The following SLC39A10 variants were observed in gnomAD, a reference collection of about 807,000 sequenced individuals.
SLC39A10 encodes solute carrier family 39 member 10, also known as zinc transporter ZIP10.
A neutral mutation model predicts 65.1 loss-of-function variants in SLC39A10; 13 were observed. The ratio of observed to expected loss-of-function variants is 0.20; its 90% CI spans 0.13 to 0.32. The LOEUF is 0.32. SLC39A10 is among the 10% of genes least tolerant of loss of function. SLC39A10 has a pLI of 1.00. For synonymous variants in SLC39A10, 321 were observed against 342.2 expected (o/e 0.94, Z 0.68); for missense variants, 831 against 1,018.4 (o/e 0.82, Z 2.50).
At position 195,737,437 on chromosome 2, in the gene SLC39A10, A is replaced by ATC. The variant is rs1692683569; in HGVS notation, c.*2397_*2398insCT. The ATC allele has an allele frequency of 6.2e-6, 1 of 161,368 alleles. No individual in the cohort carries two copies. The highest frequency in any genetic ancestry group is 2.4e-5 in the African/African-American group (1 of 41,432). The allele number at this position is 161,368 out of a possible 1,614,324, so 10.0% of individuals were successfully genotyped here. ...TTGATTGATTATGCTTAGAAATACTATAGTAACTAGATGCAGTGTGAATTT... is the reference window on the plus strand; with the variant it reads ...TTGATTGATTATGCTTAGAAATACTATCTAGTAACTAGATGCAGTGTGAATTT... On this transcript the variant is annotated 3_prime_UTR_variant, in exon 10 of 10. Transcript: ENST00000359634.
chr2:195,631,355 A>G (rs1050374044), intron 2 of SLC39A10, among the ~76,000 whole-genome samples: 26 of 152,316 alleles, frequency 1.7e-4, no homozygotes, highest in Non-Finnish European at 3.2e-4. Context: ...ACTTAAAAAA[A>G]AGAGAGATCA....
chr2:195,734,868 GATTT>G lies in SLC39A10; in HGVS notation c.2338-10_2338-7del. 2 of 1,589,490 alleles carry G rather than the reference GATTT, an allele frequency of 1.3e-6. No individual in the cohort carries two copies. The highest frequency in any genetic ancestry group is 1.7e-6 in the Non-Finnish European group (2 of 1,171,000). The stretch of plus-strand genomic sequence containing the variant: ...AGTATTATACAAAGTTTAATGTGAA[GATTT>G]ATTTTTCTAGCTTCCAGAAATGTTG... On this transcript the variant is annotated splice_polypyrimidine_tract_variant and intron_variant, in intron 9 of 9. Transcript: ENST00000359634.
chr2:195,636,426 C>T (rs984456429), intron 2 of SLC39A10, among the ~76,000 whole-genome samples: 1 of 152,114 alleles, frequency 6.6e-6, no homozygotes, highest in Non-Finnish European at 1.5e-5. Context: ...ATGTGACTCA[C>T]ATAAACAAAT....
upstream of SLC39A10, among the ~76,000 whole-genome samples, chr2:195,653,939 G>GT (rs1689091143): frequency 6.6e-6 from 1 of 151,926 alleles, no homozygotes; most frequent in Admixed American, 6.6e-5. Flanking sequence ...TCTTTTTTTT[G>GT]TTTGTTTTGT....
At chr2:195,683,942 G>A in intron 3 of SLC39A10, 36 bp downstream of exon 3, 1 of 1,393,092 alleles carries the variant, frequency 7.2e-7, no homozygotes, top group African/African-American at 1.4e-5. Context: ...CCTTAAAATA[G>A]TACCTGTACT....
chr2:195,659,655 G>A (rs1384610834), intron 1 of SLC39A10, among the ~76,000 whole-genome samples: 1 of 152,120 alleles, frequency 6.6e-6, no homozygotes, highest in Non-Finnish European at 1.5e-5. Flanking sequence ...CTATTAATTA[G>A]TTTGCTTACC....
At chr2:195,733,078 T>G (rs1167716505) in intron 9 of SLC39A10, among the ~76,000 whole-genome samples, 1 of 152,200 alleles carries the variant, frequency 6.6e-6, no homozygotes, top group African/African-American at 2.4e-5. Context: ...CATAGCACTG[T>G]CAGAGCATGG....
chr2:195,616,632 G>A (rs911171936), intron 2 of SLC39A10, among the ~76,000 whole-genome samples: 7 of 149,898 alleles, frequency 4.7e-5, no homozygotes, highest in Admixed American at 4.0e-4. Context: ...GAGTGAAGTT[G>A]AACCTCTGTC....
At chr2:195,678,634 T>C (rs1690185731) in intron 1 of SLC39A10, among the ~76,000 whole-genome samples, 1 of 151,682 alleles carries the variant, frequency 6.6e-6, no homozygotes, top group East Asian at 1.9e-4. Flanking sequence ...ATTATCAATT[T>C]TGTGTTCTAT....
intron 8 of SLC39A10, among the ~76,000 whole-genome samples, chr2:195,726,337 C>T (rs767652693): frequency 2.0e-5 from 3 of 152,150 alleles, no homozygotes; most frequent in Non-Finnish European, 4.4e-5. Flanking sequence ...GTTTGTTTTA[C>T]ATAACCTGCT....
At chr2:195,706,130 A>G (rs1250749544) in intron 3 of SLC39A10, among the ~76,000 whole-genome samples, 1 of 152,130 alleles carries the variant, frequency 6.6e-6, no homozygotes, top group African/African-American at 2.4e-5. Context: ...CATCATATGA[A>G]TATATTTCCA....
rs761080310 is a variant in SLC39A10, at chr2:195,680,680, C to A, written c.638C>A (p.Pro213His). The change falls in exon 2 of 10, where the codon CCT becomes CAT. Residue 213 changes from proline (P) to histidine (H), a missense_variant. By Grantham distance (77) the Pro-to-His change is moderately conservative. This residue lies in a region of SLC39A10 where 446 missense variants were observed against 499.2 expected (regional missense o/e 0.89). Coordinates refer to ENST00000359634, the MANE Select transcript of SLC39A10 (RefSeq NM_020342.3). ...PSERGEPSNEPSTETNKTQEQ... is the reference protein window; with the variant it reads ...PSERGEPSNEHSTETNKTQEQ... ...GAGCGTGGGGAGCCTAGCAATGAAC[C>A]TTCAACAGAGACCAATAAAACCCAG... 1 of 1,613,976 alleles carries A rather than the reference C, an allele frequency of 6.2e-7. No homozygotes were observed.
chr2:195,689,785 A>C (rs1690659516), intron 3 of SLC39A10, among the ~76,000 whole-genome samples: 1 of 152,162 alleles, frequency 6.6e-6, no homozygotes, highest in African/African-American at 2.4e-5. Flanking sequence ...TTGATTAAGC[A>C]TCTCATATAA....
chr2:195,627,519 A>T (rs1559007112), intron 2 of SLC39A10, among the ~76,000 whole-genome samples: 1 of 152,174 alleles, frequency 6.6e-6, no homozygotes, highest in African/African-American at 2.4e-5. Context: ...AACCCAGAAG[A>T]CCTGAGTAGC....
chr2:195,728,120 C>T lies in SLC39A10; in HGVS notation c.2147-39C>T. On this transcript the variant is annotated intron_variant, in intron 8 of 9. Transcript: ENST00000359634. This position sits in a 1 kb window ranked among gnomAD's most constrained non-coding sequence, Gnocchi z 4.4. ...TCCTTTCAGATTTGTGTTTTAAATC[C>T]TGTGGTTTTAAAACATTCCCATTGT... The T allele has an allele frequency of 6.5e-6, 10 of 1,544,224 alleles. No individual in the cohort carries two copies. The highest frequency in any genetic ancestry group is 2.7e-5 in the African/African-American group (2 of 73,528).
Position 195,716,952 on chromosome 2 carries a change from G to A in SLC39A10, c.2012G>A (p.Trp671Ter). ...LKETGIANIA[W>*]MVIMGDGIHN... ...GAAACAGGAATAGCTAATATAGCCT[G>A]GATGGTGATCATGGGGGATGGCATC... The change falls in exon 7 of 10, where the codon TGG becomes TAG. Residue 671 changes from tryptophan (W) to a stop codon, truncating the protein, a stop_gained. Transcript: ENST00000359634. LOFTEE classifies it high-confidence loss of function. 3 of 1,614,222 alleles carry A rather than the reference G, an allele frequency of 1.9e-6. No homozygotes were observed. The highest frequency in any genetic ancestry group is 2.5e-6 in the Non-Finnish European group (3 of 1,180,028).
At chr2:195,663,404 G>C (rs1016034903) in intron 1 of SLC39A10, among the ~76,000 whole-genome samples, 2 of 152,190 alleles carry the variant, frequency 1.3e-5, no homozygotes, top group Non-Finnish European at 2.9e-5. Context: ...CTTGATGAAA[G>C]GGGCTAGGGA....
rs1692681278 is a variant in SLC39A10, at chr2:195,737,424, GC to G, written c.*2384del. On this transcript the variant is annotated 3_prime_UTR_variant, in exon 10 of 10. Transcript: ENST00000359634. ...CAATCAGCTGTGATTGATTGATTAT[GC>G]TTAGAAATACTATAGTAACTAGATG... The G allele has an allele frequency of 6.3e-6, 1 of 157,984 alleles. No individual in the cohort carries two copies. The highest frequency in any genetic ancestry group is 2.4e-5 in the African/African-American group (1 of 41,368). 9.8% of individuals were successfully genotyped at this position (157,984 alleles called of 1,614,324 possible).
intron 3 of SLC39A10, among the ~76,000 whole-genome samples, chr2:195,701,288 T>G (rs2105802686): frequency 6.6e-6 from 1 of 151,708 alleles, no homozygotes; most frequent in Non-Finnish European, 1.5e-5. Flanking sequence ...CTTTAGTTTT[T>G]CTACCCCTTT....
Sources: allele counts gnomAD v4.1 joint callset (sites outside exome capture counted in the v4.1 genomes callset), GRCh38; gene constraint gnomAD v4.1.1; regional missense constraint gnomAD v4.1.1; non-coding constraint Gnocchi (gnomAD v3.1); transcripts MANE v1.5; gene names NCBI Gene and HGNC (gene_info 2026-07-23, HGNC 2026-07-21).